Variants in PYROXD2 observed in about 807,000 individuals in gnomAD.
PYROXD2 encodes the protein pyridine nucleotide-disulphide oxidoreductase domain 2.
A neutral mutation model predicts 71.1 loss-of-function variants in PYROXD2; 69 were observed. The observed-to-expected ratio is 0.97, with a 90% confidence interval of 0.80 to 1.19. The LOEUF (loss-of-function observed/expected upper bound fraction) is 1.19. Among genes scored for constraint, PYROXD2 ranks in the 50% most tolerant of loss-of-function variants. The probability of loss-of-function intolerance (pLI) is 0.00; values close to 1 mark genes in which losing one functional copy is unlikely to be tolerated. For missense variants in PYROXD2, 745 were observed against 748.9 expected (o/e 0.99, Z 0.06); for synonymous variants, 287 against 302.7 (o/e 0.95, Z 0.54).
At chr10:98,404,801 C>T (rs1239804961) in intron 4 of PYROXD2, among the ~76,000 whole-genome samples, 4 of 152,138 alleles carry the variant, frequency 2.6e-5, no homozygotes, top group African/African-American at 4.8e-5. Flanking sequence ...TAAAAACGAC[C>T]GTTTCTGGGC....
chr10:98,409,584 C>T (rs1300853489), intron 2 of PYROXD2, among the ~76,000 whole-genome samples: 1 of 152,192 alleles, frequency 6.6e-6, no homozygotes, highest in Non-Finnish European at 1.5e-5. Flanking sequence ...CCTTCCTTGG[C>T]CTGGAAACTT....
chr10:98,391,367 T>C (rs531704848), intron 10 of PYROXD2, among the ~76,000 whole-genome samples: 1 of 152,326 alleles, frequency 6.6e-6, no homozygotes, highest in East Asian at 1.9e-4. Context: ...TTTTCACTAC[T>C]GGTCTGTAAG....
intron 2 of PYROXD2, 159 bp downstream of exon 2, chr10:98,410,780 G>C (rs1214574753): frequency 2.8e-6 from 3 of 1,068,078 alleles, no homozygotes; most frequent in African/African-American, 3.2e-5. Context: ...ATTCGACCCA[G>C]CCCCCAGTCA....
chr10:98,399,614 C>A (rs927091223), intron 5 of PYROXD2, among the ~76,000 whole-genome samples: 2 of 152,226 alleles, frequency 1.3e-5, no homozygotes, highest in Admixed American at 1.3e-4. Context: ...CAGGAGGGAG[C>A]CTTGGGATGC....
In PYROXD2 at chr10:98,392,577, C is replaced by T. The variant is rs1406467049; in HGVS notation, c.928-11G>A. ...CACCTTCGCCACTGTCTAGAGCCCA[C>T]CAGAACAAGGCCCCAGAAACCGCAG... On this transcript the variant is annotated splice_polypyrimidine_tract_variant and intron_variant, in intron 9 of 15. Transcript: ENST00000370575. The T allele has an allele frequency of 3.1e-6, 5 of 1,609,044 alleles. No homozygotes were observed. The East Asian group carries it at 1.1e-4, about 36-fold the overall frequency.
intron 14 of PYROXD2, among the ~76,000 whole-genome samples, chr10:98,386,561 T>A (rs1045023630): frequency 4.5e-5 from 5 of 110,158 alleles, no homozygotes; most frequent in African/African-American, 1.9e-4. Flanking sequence ...TTTTTAAATT[T>A]TCTTTCTAGA....
chr10:98,413,693 A>G (rs1362975109), intron 1 of PYROXD2, among the ~76,000 whole-genome samples: 4 of 152,210 alleles, frequency 2.6e-5, no homozygotes, highest in Admixed American at 2.0e-4. Context: ...CAGCCTGGGC[A>G]ACAGAGCAAG....
At chr10:98,397,960 G>A (rs924247493) in intron 5 of PYROXD2, among the ~76,000 whole-genome samples, 2 of 136,410 alleles carry the variant, frequency 1.5e-5, no homozygotes, top group Non-Finnish European at 3.0e-5. Flanking sequence ...TCGGCTCACT[G>A]CAACCTCTGC....
rs763811814 is a variant in PYROXD2, at chr10:98,392,391, T to C, written c.1062+41A>G. The C allele has an allele frequency of 8.7e-6, 14 of 1,601,366 alleles. No homozygotes were observed. The African/African-American group carries it at 9.4e-5, about 11-fold the overall frequency. On this transcript the variant is annotated intron_variant, in intron 10 of 15. Transcript: ENST00000370575. Reference sequence around the variant, plus strand: ...TCCCCACGATTTCTAACCCCTGTTTTGGCAGACATCTAAGCTCCACCCTCC... The same window carrying C: ...TCCCCACGATTTCTAACCCCTGTTTCGGCAGACATCTAAGCTCCACCCTCC...
At chr10:98,414,838 C>G (rs1283216968) in intron 1 of PYROXD2, 171 bp downstream of exon 1, 1 of 1,016,440 alleles carries the variant, frequency 9.8e-7, no homozygotes, top group African/African-American at 1.6e-5. Context: ...TGCCTGCCTG[C>G]CAGATGGAAG....
chr10:98,390,967 A>G, intron 11 of PYROXD2, 43 bp downstream of exon 11: 1 of 1,518,664 alleles, frequency 6.6e-7, no homozygotes, highest in Non-Finnish European at 9.1e-7. Flanking sequence ...TCTCACTCAG[A>G]TGGGTCAAAG....
chr10:98,384,980 C>T lies in PYROXD2; in HGVS notation c.1642G>A (p.Gly548Ser). The change falls in exon 15 of 16, where the codon GGC becomes AGC. Residue 548 changes from glycine to serine, a missense_variant. Transcript: ENST00000370575. ...GCCCCACTTCCACAGAGATACAGGC[C>T]CTGGAGAGGGCAGCGGTAGCCAGAA... ...LHSGYRCPLQ[G>S]LYLCGSGAHP... The T allele has an allele frequency of 6.2e-7, 1 of 1,613,762 alleles. No homozygotes were observed. Among genetic ancestry groups the T allele is most frequent in the Non-Finnish European group, 8.5e-7 (1 of 1,179,940 alleles).
rs1367232589 is a variant in PYROXD2, at chr10:98,414,985, G to C, written c.127+24C>G. Reference sequence around the variant, plus strand: ...GCTGTCTTCCCGCCCCTCAGCTCTGGCCCGGCCTGCTTTACCACTTTACCT... The same window carrying C: ...GCTGTCTTCCCGCCCCTCAGCTCTGCCCCGGCCTGCTTTACCACTTTACCT... On this transcript the variant is annotated intron_variant, in intron 1 of 15. Coordinates refer to ENST00000370575, the MANE Select transcript of PYROXD2 (RefSeq NM_032709.3). 4 of 1,610,310 alleles carry C rather than the reference G, an allele frequency of 2.5e-6. No individual in the cohort carries two copies. The African/African-American group carries it at 5.3e-5, about 22-fold the overall frequency.
chr10:98,385,528 C>T (rs1842722676), intron 14 of PYROXD2, among the ~76,000 whole-genome samples: 1 of 152,236 alleles, frequency 6.6e-6, no homozygotes, highest in South Asian at 2.1e-4. Context: ...GGTTCTGCCC[C>T]CCTGGCTTGG....
chr10:98,385,998 C>A (rs560887925), intron 14 of PYROXD2, among the ~76,000 whole-genome samples: 1 of 151,974 alleles, frequency 6.6e-6, no homozygotes, highest in African/African-American at 2.4e-5. Context: ...AAAGCAGAGC[C>A]GGTTGTGGTG....
intron 6 of PYROXD2, 84 bp downstream of exon 6, chr10:98,397,261 C>T: frequency 2.7e-6 from 4 of 1,469,730 alleles, no homozygotes; most frequent in Non-Finnish European, 3.6e-6. Context: ...CATGGAGGTT[C>T]AGGCTTGTGT....
intron 4 of PYROXD2, among the ~76,000 whole-genome samples, chr10:98,405,821 G>T (rs932594032): frequency 6.6e-6 from 1 of 152,234 alleles, no homozygotes; most frequent in Admixed American, 6.5e-5. Context: ...AGGAGTAGGA[G>T]ACAGTCAGGC....
chr10:98,399,078 T>A (rs184517106), intron 5 of PYROXD2, among the ~76,000 whole-genome samples: 1 of 151,870 alleles, frequency 6.6e-6, no homozygotes, highest in African/African-American at 2.4e-5. Context: ...GAGGCAGAGG[T>A]TACAGTGAGC....
At chr10:98,401,273 A>AAAAAAAAAAAAAAAAAAAAAC (rs149519972) in intron 4 of PYROXD2, among the ~76,000 whole-genome samples, 1 of 121,692 alleles carries the variant, frequency 8.2e-6, no homozygotes, top group African/African-American at 3.7e-5. Flanking sequence ...AAAACAAAAA[A>AAAAAAAAAAAAAAAAAAAAAC]AAACAAACAT....
Sources: gnomAD v4.1 joint callset for allele counts (sites outside exome capture counted in the v4.1 genomes callset) on GRCh38, gnomAD v4.1.1 for gene constraint, MANE v1.5 for transcripts, NCBI Gene and HGNC (gene_info 2026-07-23, HGNC 2026-07-21) for gene names.